Variants in SENP5 observed in about 807,000 individuals in gnomAD.
SENP5 encodes the protein sentrin-specific protease 5.
In SENP5, 21 loss-of-function variants were observed where a neutral mutation model predicts 74.2. The ratio of observed to expected loss-of-function variants is 0.28; its 90% CI spans 0.20 to 0.41. SENP5 has a LOEUF of 0.41. Among genes scored for constraint, SENP5 ranks in the 10% least tolerant of loss-of-function variants. The pLI, the probability that SENP5 is intolerant of heterozygous loss-of-function variation, is 1.00. For synonymous variants in SENP5, 311 were observed against 312.7 expected (o/e 0.99, Z 0.06); for missense variants, 717 against 889.1 (o/e 0.81, Z 2.46).
At chr3:196,893,385 A>G (rs1310105017) in intron 2 of SENP5, among the ~76,000 whole-genome samples, 1 of 152,212 alleles carries the variant, frequency 6.6e-6, no homozygotes, top group Non-Finnish European at 1.5e-5. Context: ...AAGTTAGATG[A>G]AAATTTAAAA....
chr3:196,925,514 A>T (rs1292024150), intron 7 of SENP5, among the ~76,000 whole-genome samples: 2 of 152,188 alleles, frequency 1.3e-5, no homozygotes, highest in African/African-American at 4.8e-5. Context: ...TGCCTTTAAG[A>T]CTCAGATTCT....
At chr3:196,915,187 G>A (rs1204778998) in intron 6 of SENP5, among the ~76,000 whole-genome samples, 2 of 152,192 alleles carry the variant, frequency 1.3e-5, no homozygotes, top group Non-Finnish European at 2.9e-5. Flanking sequence ...CTTTTGGCAC[G>A]TCCTGGCACT....
Position 196,932,728 on chromosome 3 carries a change from A to ATTTTTTTTTTTTTT in SENP5, c.*1820_*1833dup, listed in dbSNP as rs142043217. 1.2e-5 allele frequency: 1 copy of ATTTTTTTTTTTTTT among 81,704 alleles called. No homozygotes were observed. 5.1% of individuals were successfully genotyped at this position (81,704 alleles called of 1,614,324 possible). A position where few individuals can be genotyped will look rare whatever the true frequency, so the allele number is the denominator to read the frequency against. On this transcript the variant is annotated 3_prime_UTR_variant, in exon 10 of 10. Transcript: ENST00000323460. ...AAAACATGCCAGAAATTTGCCTCTG[A>ATTTTTTTTTTTTTT]TTTTTTTTTTTTTTTTTTTTTTTTT...
intron 1 of SENP5, among the ~76,000 whole-genome samples, chr3:196,878,475 T>C (rs1713577169): frequency 6.6e-6 from 1 of 152,210 alleles, no homozygotes; most frequent in Admixed American, 6.5e-5. Context: ...CTAGCTTTTT[T>C]TCCTGACATA....
intron 6 of SENP5, among the ~76,000 whole-genome samples, chr3:196,918,416 G>A (rs1338460994): frequency 3.4e-5 from 5 of 148,364 alleles, no homozygotes; most frequent in African/African-American, 9.9e-5. Flanking sequence ...TTTTGGTAAC[G>A]AGTTATCAGT....
intron 6 of SENP5, among the ~76,000 whole-genome samples, chr3:196,905,595 A>G (rs537577444): frequency 6.6e-6 from 1 of 152,250 alleles, no homozygotes; most frequent in East Asian, 1.9e-4. Flanking sequence ...ATTATATAGG[A>G]TATTACAAAG....
In SENP5 at chr3:196,931,167, T is replaced by G; in HGVS notation, c.*244T>G. The G allele has an allele frequency of 2.2e-6, 1 of 453,290 alleles. No individual in the cohort carries two copies. The highest frequency in any genetic ancestry group is 4.0e-6 in the Non-Finnish European group (1 of 250,316). 28.1% of individuals were successfully genotyped at this position (453,290 alleles called of 1,614,324 possible). A position where few individuals can be genotyped will look rare whatever the true frequency, so the allele number is the denominator to read the frequency against. ...GTGCGTCCCCCATATTTAATATTTATTATTCAAACGCATGCATATAGACAG... is the reference window on the plus strand; with the variant it reads ...GTGCGTCCCCCATATTTAATATTTAGTATTCAAACGCATGCATATAGACAG... On this transcript the variant is annotated 3_prime_UTR_variant, in exon 10 of 10. Transcript: ENST00000323460.
In SENP5 at chr3:196,885,543, C is replaced by T. The variant is rs767732113; in HGVS notation, c.362C>T (p.Ser121Leu). ...LLRLQAEKLLSSAKNSDHEYC... is the reference protein window; with the variant it reads ...LLRLQAEKLLLSAKNSDHEYC... ...AGACTCCAAGCAGAGAAGCTGTTGT[C>T]ATCAGCAAAGAATTCTGACCATGAA... Residue 121 changes from serine (S) to leucine (L), a missense_variant, in exon 2 of 10, where the codon TCA (serine) becomes TTA (leucine). This residue lies in a region of SENP5 where 567 missense variants were observed against 577.4 expected (regional missense o/e 0.98). Coordinates refer to ENST00000323460, the MANE Select transcript of SENP5 (RefSeq NM_152699.5). The T allele has an allele frequency of 3.1e-6, 5 of 1,614,040 alleles. No homozygotes were observed. The highest frequency in any genetic ancestry group is 3.4e-6 in the Non-Finnish European group (4 of 1,180,046).
intron 6 of SENP5, among the ~76,000 whole-genome samples, chr3:196,907,084 A>G (rs895744994): frequency 2.0e-5 from 3 of 152,206 alleles, no homozygotes; most frequent in Admixed American, 6.5e-5. Flanking sequence ...TTGTATTTAC[A>G]TTAGAAAAAT....
At chr3:196,903,717 G>T in intron 6 of SENP5, 107 bp downstream of exon 6, 1 of 614,450 alleles carries the variant, frequency 1.6e-6, no homozygotes, top group South Asian at 2.4e-5. Context: ...AGTAGAAACA[G>T]ACTTTTTAAT....
chr3:196,879,058 T>C (rs1713605642), intron 1 of SENP5, among the ~76,000 whole-genome samples: 1 of 152,228 alleles, frequency 6.6e-6, no homozygotes, highest in Non-Finnish European at 1.5e-5. Context: ...ATAGGGATGC[T>C]ATAAGGGGCA....
intron 6 of SENP5, among the ~76,000 whole-genome samples, chr3:196,911,617 T>C (rs1215370156): frequency 6.6e-6 from 1 of 151,366 alleles, no homozygotes; most frequent in African/African-American, 2.4e-5. Context: ...CCTCATCAGT[T>C]GGGCGCGGTG....
chr3:196,868,289 C>G (rs992186285), intron 1 of SENP5, among the ~76,000 whole-genome samples: 12 of 152,252 alleles, frequency 7.9e-5, no homozygotes, highest in Admixed American at 7.8e-4. Context: ...CTGCCCTGCG[C>G]TCTCGCTCCA....
At chr3:196,891,895 AT>A (rs1358484208) in intron 2 of SENP5, among the ~76,000 whole-genome samples, 1 of 151,026 alleles carries the variant, frequency 6.6e-6, no homozygotes, top group African/African-American at 2.4e-5. Context: ...GGTTCAAGCG[AT>A]TCTCCTGCCT....
intron 6 of SENP5, among the ~76,000 whole-genome samples, chr3:196,919,161 A>G (rs898596223): frequency 3.3e-5 from 5 of 152,246 alleles, no homozygotes; most frequent in Non-Finnish European, 7.3e-5. Context: ...AGAGACCTCA[A>G]CACCCCACTT....
chr3:196,872,155 T>C (rs1046496981), intron 1 of SENP5, among the ~76,000 whole-genome samples: 5 of 152,172 alleles, frequency 3.3e-5, no homozygotes, highest in African/African-American at 1.2e-4. Context: ...GGCTTGGGGC[T>C]GTCCTAGGGT....
intron 9 of SENP5, among the ~76,000 whole-genome samples, chr3:196,930,570 C>T (rs1304163127): frequency 1.3e-5 from 2 of 152,086 alleles, no homozygotes; most frequent in South Asian, 2.1e-4. Flanking sequence ...ACTGCAGATG[C>T]GAGGGATCTA....
At chr3:196,906,838 A>G (rs1339609683) in intron 6 of SENP5, among the ~76,000 whole-genome samples, 1 of 152,218 alleles carries the variant, frequency 6.6e-6, no homozygotes, top group Non-Finnish European at 1.5e-5. Flanking sequence ...CTTTGTTCTA[A>G]CAGTACTGAA....
intron 1 of SENP5, among the ~76,000 whole-genome samples, chr3:196,877,287 A>T (rs920450311): frequency 5.3e-5 from 8 of 152,054 alleles, no homozygotes; most frequent in African/African-American, 1.7e-4. Flanking sequence ...GGTTGAAGCG[A>T]TTCTTCTGCC....
Sources: gnomAD v4.1 joint callset for allele counts (sites outside exome capture counted in the v4.1 genomes callset) on GRCh38, gnomAD v4.1.1 for gene constraint, gnomAD v4.1.1 regional missense constraint, MANE v1.5 for transcripts, NCBI Gene and HGNC (gene_info 2026-07-23, HGNC 2026-07-21) for gene names.